LRRN4: variants seen among roughly 807,000 people sequenced by gnomAD.
LRRN4 encodes leucine rich repeat neuronal 4.
A neutral mutation model predicts 22.3 loss-of-function variants in LRRN4; 26 were observed. The observed-to-expected ratio is 1.16, with a 90% CI of 0.85 to 1.62. LRRN4 has a LOEUF of 1.62. LRRN4 is among the 40% of genes most tolerant of loss of function. The pLI is 0.00. For synonymous variants in LRRN4, 496 were observed against 486.2 expected, an observed-to-expected ratio of 1.02 and a Z score of -0.26; for missense variants, 1,070 against 1,008.5, an observed-to-expected ratio of 1.06 and a Z score of -0.83.
chr20:6,041,483 C>G lies in LRRN4; in HGVS notation c.1762G>C (p.Val588Leu). Residue 588 changes from valine to leucine, a missense_variant, in exon 5 of 5, where the codon GTG becomes CTG. Physicochemically the swap from Val to Leu is conservative, Grantham distance 32 (BLOSUM62 1). Coordinates refer to ENST00000378858, the MANE Select transcript of LRRN4 (RefSeq NM_152611.5). This position sits in a 1 kb window ranked among gnomAD's most constrained non-coding sequence, Gnocchi z 9.4. The part of the protein sequence containing the change: ...TIPDPPRLQG[V>L]TETTDTSALV... ...GCCGACGTGTCCGTGGTCTCCGTCA[C>G]CCCCTGCAGCCTGGGCGGGTCTGGG... The G allele has an allele frequency of 6.4e-7, 1 of 1,558,214 alleles. No homozygotes were observed. Among genetic ancestry groups the G allele is most frequent in the African/African-American group, 1.4e-5 (1 of 73,738 alleles).
Position 6,052,528 on chromosome 20 carries a change from C to G in LRRN4, c.272G>C (p.Ser91Thr), listed in dbSNP as rs1289557246. 3.8e-6 allele frequency: 6 copies of G among 1,587,716 alleles called. No individual in the cohort carries two copies. The highest frequency in any genetic ancestry group is 5.1e-6 in the Non-Finnish European group (6 of 1,174,966). The change falls in exon 2 of 5, where the codon AGC becomes ACC. Residue 91 changes from serine to threonine, a missense_variant. Transcript: ENST00000378858. ...CTCCAGGTGGCCGAGCTCGGAAGTGCTCAGGGCGCGCAGCAGGTTGTGGCT... is the reference window on the plus strand; with the variant it reads ...CTCCAGGTGGCCGAGCTCGGAAGTGGTCAGGGCGCGCAGCAGGTTGTGGCT... ...DASHNLLRAL[S>T]TSELGHLEQL...
chr20:6,047,881 G>A (rs985826632), intron 3 of LRRN4, among the ~76,000 whole-genome samples: 2 of 152,144 alleles, frequency 1.3e-5, no homozygotes, highest in Admixed American at 6.5e-5. Flanking sequence ...GGTCTAAAAT[G>A]GGGCCTGTGA....
intron 2 of LRRN4, among the ~76,000 whole-genome samples, 158 bp downstream of exon 2, chr20:6,051,987 G>A (rs150014405): frequency 2.0e-5 from 3 of 152,214 alleles, no homozygotes; most frequent in Non-Finnish European, 4.4e-5. Context: ...AACTGGGCCC[G>A]CTTGCTCGAA....
intron 3 of LRRN4, among the ~76,000 whole-genome samples, chr20:6,047,467 C>CACAG (rs1568641546): frequency 5.6e-4 from 68 of 121,916 alleles, no homozygotes; most frequent in African/African-American, 1.9e-3. Flanking sequence ...CACACACACA[C>CACAG]AGAGACACAC....
Position 6,042,224 on chromosome 20 carries a change from G to T in LRRN4, c.1021C>A (p.Pro341Thr). 1.2e-6 allele frequency: 2 copies of T among 1,612,508 alleles called. No individual in the cohort carries two copies. The highest frequency in any genetic ancestry group is 3.4e-4 in the Middle Eastern group (2 of 5,928). Reference protein sequence around the residue: ...LSRAADTMCAPAAGSSGPFSA... With the variant: ...LSRAADTMCATAAGSSGPFSA... ...AAGGGGCCGCTGGATCCCGCAGCTG[G>T]CGCGCACATAGTGTCTGCTGCCCTG... Residue 341 changes from proline (P) to threonine (T), a missense_variant, in exon 5 of 5, where the codon CCA becomes ACA. Pro to Thr is a conservative substitution (Grantham distance 38). Transcript: ENST00000378858.
chr20:6,048,561 TCA>T (rs1301313464), intron 3 of LRRN4, among the ~76,000 whole-genome samples: 2 of 152,244 alleles, frequency 1.3e-5, no homozygotes, highest in Non-Finnish European at 2.9e-5. Context: ...TCCCTGTGTC[TCA>T]GTTTTTTCAT....
At chr20:6,047,714 C>T (rs6107746) in intron 3 of LRRN4, among the ~76,000 whole-genome samples, 2 of 151,388 alleles carry the variant, frequency 1.3e-5, no homozygotes, top group Non-Finnish European at 2.9e-5. Flanking sequence ...TCACTTGAAC[C>T]TGGGAGGTGA....
chr20:6,041,152 G>C lies in LRRN4; in HGVS notation c.2093C>G (p.Thr698Ser). The C allele has an allele frequency of 6.2e-7, 1 of 1,605,810 alleles. No individual in the cohort carries two copies. Among genetic ancestry groups the C allele is most frequent in the Non-Finnish European group, 8.5e-7 (1 of 1,176,002 alleles). ...CAASGLLLASTVVLSACLCRR... is the reference protein window; with the variant it reads ...CAASGLLLASSVVLSACLCRR... ...GCAGAGACATGCGGACAGCACCACG[G>C]TGCTGGCGAGCAACAGGCCGCTGGC... is the stretch of plus-strand genomic sequence containing the variant. Residue 698 changes from threonine to serine, a missense_variant, in exon 5 of 5, where the codon ACC becomes AGC. By Grantham distance (58) the Thr-to-Ser change is moderately conservative (BLOSUM62 1). Transcript: ENST00000378858. This position sits in a 1 kb window ranked among gnomAD's most constrained non-coding sequence, Gnocchi z 9.4.
chr20:6,050,826 T>A lies in LRRN4; in HGVS notation c.813A>T (p.Thr271=). The A allele has an allele frequency of 6.2e-7, 1 of 1,613,760 alleles. No individual in the cohort carries two copies. The highest frequency in any genetic ancestry group is 1.1e-5 in the South Asian group (1 of 91,034). ...GATGTGGAGTATCTTGAAAGATGTG[T>A]GTGGCGACAGAAGCAAGTGCTGGGG... is the stretch of plus-strand genomic sequence containing the variant. ...QDSPALASVA[T]HIFQDTPHLQ... The change falls in exon 3 of 5, where the codon ACA becomes ACT. Residue 271 remains threonine, a synonymous_variant. Coordinates refer to ENST00000378858, the MANE Select transcript of LRRN4 (RefSeq NM_152611.5).
chr20:6,041,869 C>G lies in LRRN4; in HGVS notation c.1376G>C (p.Gly459Ala). ...AAGGACAAGCTCGGGGGCATGTTCT[C>G]CTCGGTGCTGGGTCCTGGTGGTGCT... ...AASTTRTQHR[G>A]EHAPELVLEP... Residue 459 changes from glycine to alanine, a missense_variant, in exon 5 of 5, where the codon GGA (glycine) becomes GCA (alanine). Gly to Ala is a moderately conservative substitution (Grantham distance 60). Transcript: ENST00000378858. The surrounding 1 kb of genome is among the most constrained non-coding windows in gnomAD (Gnocchi z 9.4). 1 of 1,614,152 alleles carries G rather than the reference C, an allele frequency of 6.2e-7. No homozygotes were observed. Among genetic ancestry groups the G allele is most frequent in the Non-Finnish European group, 8.5e-7 (1 of 1,180,020 alleles).
chr20:6,043,966 G>A (rs1981039698), intron 4 of LRRN4, among the ~76,000 whole-genome samples: 1 of 152,192 alleles, frequency 6.6e-6, no homozygotes, highest in African/African-American at 2.4e-5. Flanking sequence ...GCCTCCCAAG[G>A]TATAGTGTTT....
intron 3 of LRRN4, among the ~76,000 whole-genome samples, chr20:6,047,238 C>T (rs962105023): frequency 2.6e-4 from 40 of 152,042 alleles, no homozygotes; most frequent in African/African-American, 8.2e-4. Flanking sequence ...TGATAGGGCC[C>T]TAGTGTGGAA....
rs1330063452 is a variant in LRRN4, at chr20:6,042,372, A to AG, written c.999-127dup. On this transcript the variant is annotated intron_variant, in intron 4 of 4. Coordinates refer to ENST00000378858, the MANE Select transcript of LRRN4 (RefSeq NM_152611.5). ...TCAACGCGTCTCTGCCAGGCACCCC[A>AG]GGGCACACACGCCGCACACACACAT... The AG allele has an allele frequency of 5.5e-6, 6 of 1,081,688 alleles. No homozygotes were observed. In the African/African-American group the frequency reaches 7.9e-5, roughly 14 times the overall value. The allele number at this position is 1,081,688 out of a possible 1,614,324, so 67.0% of individuals were successfully genotyped here. A position where few individuals can be genotyped will look rare whatever the true frequency, so the allele number is the denominator to read the frequency against.
intron 4 of LRRN4, among the ~76,000 whole-genome samples, 193 bp from the exon 5 acceptor site, chr20:6,042,439 T>C (rs1236615140): frequency 2.0e-5 from 3 of 152,138 alleles, no homozygotes; most frequent in Non-Finnish European, 4.4e-5. Flanking sequence ...GAAGCTCCTG[T>C]CCTCACTCCC....
Position 6,041,873 on chromosome 20 carries a change from G to A in LRRN4, c.1372C>T (p.Arg458Ter), listed in dbSNP as rs753157203. The change falls in exon 5 of 5, where the codon CGA becomes TGA. Residue 458 changes from arginine (R) to a stop codon, truncating the protein, a stop_gained. Transcript: ENST00000378858. LOFTEE classifies it low-confidence loss of function (END_TRUNC). This position sits in a 1 kb window ranked among gnomAD's most constrained non-coding sequence, Gnocchi z 9.4. ...RAASTTRTQH[R>*]GEHAPELVLE... ...ACAAGCTCGGGGGCATGTTCTCCTC[G>A]GTGCTGGGTCCTGGTGGTGCTGGCA... The A allele has an allele frequency of 1.9e-6, 3 of 1,614,208 alleles. No individual in the cohort carries two copies. The South Asian group carries it at 3.3e-5, about 18-fold the overall frequency.
At chr20:6,053,297 C>A (rs969590229) in intron 1 of LRRN4, among the ~76,000 whole-genome samples, 32 of 152,146 alleles carry the variant, frequency 2.1e-4, no homozygotes, top group Non-Finnish European at 1.0e-4. Flanking sequence ...CGCTTTTCCC[C>A]ATTAGAACTG....
Position 6,040,955 on chromosome 20 carries a change from G to A in LRRN4, c.*67C>T. On this transcript the variant is annotated 3_prime_UTR_variant, in exon 5 of 5. Transcript: ENST00000378858. ...CCTAGGAGCGGATGGGGTCGTTTTT[G>A]ACCGTCTGTGTCTTCCTTTTTGCGC... 7.7e-7 allele frequency: 1 copy of A among 1,296,892 alleles called. No homozygotes were observed. The highest frequency in any genetic ancestry group is 1.1e-6 in the Non-Finnish European group (1 of 922,718). The allele number at this position is 1,296,892 out of a possible 1,614,324, so 80.3% of individuals were successfully genotyped here.
chr20:6,052,561 A>C lies in LRRN4; in HGVS notation c.239T>G (p.Leu80Arg), dbSNP rs1014013980. ...GCGCAGCAGGTTGTGGCTGGCGTCG[A>C]GGCTGCGCAGTGTGCGCGGTAGGCA... Reference protein sequence around the residue: ...PGCLPRTLRSLDASHNLLRAL... With the variant: ...PGCLPRTLRSRDASHNLLRAL... Residue 80 changes from leucine to arginine, a missense_variant, in exon 2 of 5, where the codon CTC becomes CGC. Coordinates refer to ENST00000378858, the MANE Select transcript of LRRN4 (RefSeq NM_152611.5). 1 of 1,579,414 alleles carries C rather than the reference A, an allele frequency of 6.3e-7. No individual in the cohort carries two copies. Among genetic ancestry groups the C allele is most frequent in the African/African-American group, 1.3e-5 (1 of 74,552 alleles).
intron 2 of LRRN4, 130 bp downstream of exon 2, chr20:6,052,015 T>G: frequency 8.5e-7 from 1 of 1,172,024 alleles, no homozygotes; most frequent in Non-Finnish European, 1.2e-6. Context: ...GCTGGTGTCT[T>G]TTTGAACCCT....
Sources: allele counts gnomAD v4.1 joint callset (sites outside exome capture counted in the v4.1 genomes callset), GRCh38; gene constraint gnomAD v4.1.1; non-coding constraint Gnocchi (gnomAD v3.1); transcripts MANE v1.5; gene names NCBI Gene and HGNC (gene_info 2026-07-23, HGNC 2026-07-21).